RALYL: variants seen among roughly 807,000 people sequenced by gnomAD.
RALYL encodes the protein RALY RNA binding protein like.
In RALYL, 29 loss-of-function variants were observed where a neutral mutation model predicts 35.1. The ratio of observed to expected loss-of-function variants is 0.83; its 90% CI spans 0.61 to 1.13. The LOEUF (loss-of-function observed/expected upper bound fraction) is 1.13, where lower values mean the gene tolerates loss of function less well. Among genes scored for constraint, RALYL ranks in the 50% most tolerant of loss-of-function variants. The pLI is 0.00. For synonymous variants in RALYL, 120 were observed against 127.6 expected, an observed-to-expected ratio of 0.94 and a Z score of 0.40; for missense variants, 359 against 360.4, an observed-to-expected ratio of 1.00 and a Z score of 0.03.
At chr8:84,727,988 C>T (rs368878582) in intron 2 of RALYL, among the ~76,000 whole-genome samples, 1 of 151,858 alleles carries the variant, frequency 6.6e-6, no homozygotes, top group African/African-American at 2.4e-5. Context: ...GGTATATACC[C>T]AGTAATGGGA....
intron 2 of RALYL, chr8:84,679,655 A>C (rs1834955563): frequency 2.0e-6 from 1 of 492,030 alleles, no homozygotes; most frequent in South Asian, 1.5e-5. Context: ...TGGAGGTGAC[A>C]ATGAAGTACA....
chr8:84,248,746 A>G (rs528156557), intron 1 of RALYL, among the ~76,000 whole-genome samples: 1 of 152,136 alleles, frequency 6.6e-6, no homozygotes, highest in East Asian at 1.9e-4. Flanking sequence ...CATTATTCAA[A>G]CTCATATTTA....
intron 2 of RALYL, among the ~76,000 whole-genome samples, chr8:84,547,388 T>A (rs1222097609): frequency 1.4e-5 from 2 of 143,502 alleles, no homozygotes; most frequent in African/African-American, 3.0e-5. Flanking sequence ...TTTTTTTAAT[T>A]TTTTTTTGAG....
chr8:84,183,492 A>G lies in RALYL; in HGVS notation c.-956A>G, dbSNP rs2130774688. 1 of 152,486 alleles carries G rather than the reference A, an allele frequency of 6.6e-6. No homozygotes were observed. Among genetic ancestry groups the G allele is most frequent in the East Asian group, 1.9e-4 (1 of 5,172 alleles). 9.4% of individuals were successfully genotyped at this position (152,486 alleles called of 1,614,324 possible). ...CAGTGCCTGAGGCAGAGACTGCGAG[A>G]AAAAAACGCGCTTCATTCCTTCTTC... On this transcript the variant is annotated 5_prime_UTR_variant, in exon 1 of 9. Transcript: ENST00000521268.
At chr8:84,697,103 G>C (rs1216434876) in intron 2 of RALYL, among the ~76,000 whole-genome samples, 3 of 151,788 alleles carry the variant, frequency 2.0e-5, no homozygotes, top group Non-Finnish European at 4.4e-5. Flanking sequence ...TTTGTAGACA[G>C]GCTGAAATGA....
chr8:84,576,947 A>G (rs1204638220), intron 2 of RALYL, among the ~76,000 whole-genome samples: 1 of 152,186 alleles, frequency 6.6e-6, no homozygotes, highest in African/African-American at 2.4e-5. Flanking sequence ...ACCAACCTTC[A>G]TGTTAGTTTA....
Position 84,564,963 on chromosome 8 carries a change from T to C in RALYL, c.256+35386T>C, listed in dbSNP as rs565042813. Among the ~76,000 whole-genome samples the C allele has an allele frequency of 2.6e-5, 4 of 151,816 alleles. No individual in the cohort carries two copies. In the East Asian group the frequency reaches 7.7e-4, roughly 29 times the overall value. On this transcript the variant is annotated intron_variant, in intron 2 of 8. Coordinates refer to ENST00000521268, the MANE Select transcript of RALYL (RefSeq NM_173848.7). Reference sequence around the variant, plus strand: ...CATTCATGCAATTTACTTATCTGAATGTAAATCAAGGCTTTATATTTATCA... The same window carrying C: ...CATTCATGCAATTTACTTATCTGAACGTAAATCAAGGCTTTATATTTATCA...
chr8:84,690,052 C>T (rs928403187), intron 2 of RALYL, among the ~76,000 whole-genome samples: 5 of 152,012 alleles, frequency 3.3e-5, no homozygotes, highest in Non-Finnish European at 7.4e-5. Flanking sequence ...GAAATGAAAT[C>T]AGTATGTGGA....
chr8:84,285,633 G>A (rs1453147590), intron 1 of RALYL, among the ~76,000 whole-genome samples: 2 of 152,094 alleles, frequency 1.3e-5, no homozygotes, highest in Admixed American at 1.3e-4. Context: ...GGAGGTGAGA[G>A]AAGAGTTATA....
intron 2 of RALYL, among the ~76,000 whole-genome samples, chr8:84,711,949 CT>C (rs1842254228): frequency 6.6e-6 from 1 of 152,028 alleles, no homozygotes; most frequent in Non-Finnish European, 1.5e-5. Context: ...AAGTGTTGAT[CT>C]TTTTTGTTAC....
intron 8 of RALYL, chr8:84,906,791 G>A (rs73261912): frequency 0.043 from 7,478 of 172,550 alleles, 645 homozygotes; most frequent in African/African-American, 0.17. Flanking sequence ...CTTGCATGGT[G>A]CACCTTTGTC....
intron 1 of RALYL, among the ~76,000 whole-genome samples, chr8:84,354,013 T>G (rs1851390014): frequency 6.7e-6 from 1 of 150,050 alleles, no homozygotes; most frequent in South Asian, 2.1e-4. Flanking sequence ...ACAAAGTGCT[T>G]TTGTGTGTCT....
chr8:84,428,388 T>C (rs536520574), intron 1 of RALYL, among the ~76,000 whole-genome samples: 122 of 152,280 alleles, frequency 8.0e-4, no homozygotes, highest in African/African-American at 2.9e-3. Flanking sequence ...TTCATCCTAA[T>C]GTGGGGTATG....
chr8:84,454,350 T>C (rs2049892915), intron 1 of RALYL, among the ~76,000 whole-genome samples: 1 of 142,400 alleles, frequency 7.0e-6, no homozygotes, highest in Admixed American at 7.0e-5. Flanking sequence ...AAATCTGGTA[T>C]CAGGTCAACT....
At chr8:84,201,738 C>T (rs56845111) in intron 1 of RALYL, among the ~76,000 whole-genome samples, 54,334 of 151,444 alleles carry the variant, frequency 0.36, 10,295 homozygotes, top group African/African-American at 0.47. Context: ...GATTTTTTAT[C>T]TTATTTTTTG....
intron 1 of RALYL, among the ~76,000 whole-genome samples, chr8:84,300,980 A>G (rs1011793699): frequency 6.6e-6 from 1 of 152,020 alleles, no homozygotes; most frequent in Non-Finnish European, 1.5e-5. Flanking sequence ...TTTATAGTGT[A>G]AATGATCTAT....
chr8:84,295,965 A>G (rs2132289623), intron 1 of RALYL, among the ~76,000 whole-genome samples: 1 of 152,212 alleles, frequency 6.6e-6, no homozygotes, highest in South Asian at 2.1e-4. Flanking sequence ...AAAGCTACTG[A>G]GTTGGGGAAG....
chr8:84,454,355 T>C (rs895855854), intron 1 of RALYL, among the ~76,000 whole-genome samples: 1 of 143,620 alleles, frequency 7.0e-6, no homozygotes, highest in African/African-American at 2.5e-5. Flanking sequence ...TGGTATCAGG[T>C]CAACTCTTCC....
At chr8:84,676,282 CA>C (rs1834178169) in intron 2 of RALYL, among the ~76,000 whole-genome samples, 1 of 152,184 alleles carries the variant, frequency 6.6e-6, no homozygotes, top group Admixed American at 6.6e-5. Flanking sequence ...ATGACTATAT[CA>C]GAAATGCAGC....
Sources: allele counts gnomAD v4.1 joint callset (sites outside exome capture counted in the v4.1 genomes callset), GRCh38; gene constraint gnomAD v4.1.1; transcripts MANE v1.5; gene names NCBI Gene and HGNC (gene_info 2026-07-23, HGNC 2026-07-21).